EXTL2: variants seen among roughly 807,000 people sequenced by gnomAD.
EXTL2 encodes exostosin like glycosyltransferase 2, also known as exostosin-like 2.
In EXTL2, 23 loss-of-function variants were observed where a neutral mutation model predicts 30.7. The ratio of observed to expected loss-of-function variants is 0.75; its 90% CI spans 0.54 to 1.06. The LOEUF is 1.06. EXTL2 is among the 50% of genes least tolerant of loss of function. EXTL2 has a pLI of 0.00. For missense variants in EXTL2, 352 were observed against 396.3 expected (o/e 0.89, Z 0.95); for synonymous variants, 123 against 133.8 (o/e 0.92, Z 0.56).
intron 3 of EXTL2, 85 bp from the exon 4 acceptor site, chr1:100,876,949 AT>A: frequency 1.3e-6 from 1 of 789,826 alleles, no homozygotes; most frequent in Non-Finnish European, 2.1e-6. Flanking sequence ...TATATAGATC[AT>A]TCAAATGAAG....
chr1:100,876,662 C>CA, intron 4 of EXTL2, 132 bp downstream of exon 4: 3 of 577,092 alleles, frequency 5.2e-6, no homozygotes, highest in South Asian at 2.9e-5. Flanking sequence ...TAGCCTATAA[C>CA]AAATTCATCC....
chr1:100,888,710 T>C, intron 2 of EXTL2, 43 bp downstream of exon 2: 1 of 1,181,296 alleles, frequency 8.5e-7, no homozygotes. Context: ...GTTATACGTA[T>C]TTTACAACAG....
intron 2 of EXTL2, among the ~76,000 whole-genome samples, chr1:100,886,912 G>C (rs753178663): frequency 6.6e-6 from 1 of 152,130 alleles, no homozygotes; most frequent in Non-Finnish European, 1.5e-5. Context: ...CAATTCCATG[G>C]ACATATATTA....
rs887055162 is a variant in EXTL2 at position 100,873,536 on chromosome 1, G to C, written c.*406C>G. 6.3e-6 allele frequency: 1 copy of C among 159,144 alleles called. No individual in the cohort carries two copies. Among genetic ancestry groups the C allele is most frequent in the Non-Finnish European group, 1.4e-5 (1 of 72,152 alleles). The allele number at this position is 159,144 out of a possible 1,614,324, so 9.9% of individuals were successfully genotyped here. A position where few individuals can be genotyped will look rare whatever the true frequency, so the allele number is the denominator to read the frequency against. On this transcript the variant is annotated 3_prime_UTR_variant, in exon 5 of 5. Transcript: ENST00000370114. The stretch of plus-strand genomic sequence containing the variant: ...CCATACCACAGGCTTTTGCTAAAGA[G>C]GCATTTCAGGTTTCAAATTAAAACA...
rs139369296 is a variant in EXTL2 at position 100,886,317 on chromosome 1, A to G, written c.5+2436T>C. On this transcript the variant is annotated intron_variant, in intron 2 of 4. Transcript: ENST00000370114. ...CATTTAAATAGAATGATGTTGCTGC[A>G]ATAGGTCATTTAGCACTGCAAGCTG... 2.4e-4 allele frequency among the ~76,000 whole-genome samples: 37 copies of G among 152,374 alleles called. No homozygotes were observed. The East Asian group carries it at 7.1e-3, about 29-fold the overall frequency.
intron 2 of EXTL2, chr1:100,885,661 GA>G (rs1309951960): frequency 1.3e-5 from 2 of 152,204 alleles, no homozygotes; most frequent in African/African-American, 2.4e-5. Context: ...AATGGTACAT[GA>G]AAGGTCATTT....
chr1:100,883,656 C>T (rs369800233), intron 2 of EXTL2, among the ~76,000 whole-genome samples: 3 of 152,204 alleles, frequency 2.0e-5, no homozygotes, highest in South Asian at 2.1e-4. Flanking sequence ...AGTTAATGGA[C>T]GTTTGAATTG....
chr1:100,876,958 A>G, intron 3 of EXTL2, 94 bp from the exon 4 acceptor site: 1 of 765,070 alleles, frequency 1.3e-6, no homozygotes, highest in East Asian at 2.6e-5. Flanking sequence ...CATTCAAATG[A>G]AGTATTTTCT....
At chr1:100,893,175 T>A (rs915000133) in intron 1 of EXTL2, among the ~76,000 whole-genome samples, 1 of 152,216 alleles carries the variant, frequency 6.6e-6, no homozygotes, top group South Asian at 2.1e-4. Context: ...TTAAAAATGT[T>A]CAATAGTATA....
At chr1:100,881,740 T>C (rs1443602631) in intron 2 of EXTL2, among the ~76,000 whole-genome samples, 2 of 152,208 alleles carry the variant, frequency 1.3e-5, no homozygotes, top group Admixed American at 6.5e-5. Flanking sequence ...TTTCCCCCAA[T>C]GATATTTTCT....
rs774121325 is a variant in EXTL2 at position 100,875,881 on chromosome 1, T to TC, written c.504+912dup. On this transcript the variant is annotated intron_variant, in intron 4 of 4. Coordinates refer to ENST00000370114, the MANE Select transcript of EXTL2 (RefSeq NM_001033025.3). ...TGAATTATCACATTAGAACTTTTTGTCCAAGAAGCTTTCATGTATTTCATT... is the reference window on the plus strand; with the variant it reads ...TGAATTATCACATTAGAACTTTTTGTCCCAAGAAGCTTTCATGTATTTCATT... Among the ~76,000 whole-genome samples the TC allele has an allele frequency of 9.5e-4, 144 of 152,158 alleles. 4 individuals carry two copies. The highest frequency in any genetic ancestry group is 4.5e-3 in the Admixed American group (68 of 15,254).
In EXTL2 at chr1:100,876,859, A is replaced by C. The variant is rs1430273200; in HGVS notation, c.439T>G (p.Leu147Val). ...ATGAGTGTGTCATCATCTACCATCAACACTGCTAAAATGAAAGGACAAAAA... is the reference window on the plus strand; with the variant it reads ...ATGAGTGTGTCATCATCTACCATCACCACTGCTAAAATGAAAGGACAAAAA... ...VFPELETNAV[L>V]MVDDDTLIST... Residue 147 changes from leucine (L) to valine (V), a missense_variant, in exon 4 of 5, where the codon TTG (leucine) becomes GTG (valine). Physicochemically the swap from Leu to Val is conservative, Grantham distance 32. Coordinates refer to ENST00000370114, the MANE Select transcript of EXTL2 (RefSeq NM_001033025.3). The C allele has an allele frequency of 6.8e-6, 11 of 1,610,490 alleles. No homozygotes were observed. The highest frequency in any genetic ancestry group is 8.5e-6 in the Non-Finnish European group (10 of 1,177,222).
At chr1:100,875,567 G>A (rs556316919) in intron 4 of EXTL2, among the ~76,000 whole-genome samples, 148 of 152,094 alleles carry the variant, frequency 9.7e-4, no homozygotes, top group African/African-American at 3.5e-3. Context: ...AAAAGTGGAG[G>A]TAATGGGCAA....
intron 2 of EXTL2, among the ~76,000 whole-genome samples, chr1:100,879,633 TTGCTTAA>T (rs1320672654): frequency 2.0e-5 from 3 of 152,304 alleles, no homozygotes; most frequent in East Asian, 3.9e-4. Context: ...CTCTCATCTA[TTGCTTAA>T]TACTGACAGA....
At chr1:100,881,275 A>C (rs1397513467) in intron 2 of EXTL2, among the ~76,000 whole-genome samples, 1 of 152,216 alleles carries the variant, frequency 6.6e-6, no homozygotes, top group Non-Finnish European at 1.5e-5. Flanking sequence ...GGCCCATTAG[A>C]AACAGCTTCA....
intron 1 of EXTL2, among the ~76,000 whole-genome samples, chr1:100,892,561 ATTGT>A (rs1650515617): frequency 6.6e-6 from 1 of 152,036 alleles, no homozygotes; most frequent in African/African-American, 2.4e-5. Context: ...TCACATTGTG[ATTGT>A]TTGAGTCAGT....
At chr1:100,890,412 C>A (rs1184582846) in intron 1 of EXTL2, among the ~76,000 whole-genome samples, 2 of 152,170 alleles carry the variant, frequency 1.3e-5, no homozygotes, top group Non-Finnish European at 2.9e-5. Context: ...GAGATATTTT[C>A]CCCTTTGTCT....
rs10218688 is a variant in EXTL2, at chr1:100,886,151, T to C, written c.5+2602A>G. On this transcript the variant is annotated intron_variant, in intron 2 of 4. Coordinates refer to ENST00000370114, the MANE Select transcript of EXTL2 (RefSeq NM_001033025.3). ...AGTGATCCATCTTTTCTATTGACAATAGAATGGCTACGCATATATATGATC... is the reference window on the plus strand; with the variant it reads ...AGTGATCCATCTTTTCTATTGACAACAGAATGGCTACGCATATATATGATC... Among the ~76,000 whole-genome samples, 500 of 152,306 alleles carry C rather than the reference T, an allele frequency of 3.3e-3. 2 individuals carry two copies. Among genetic ancestry groups the C allele is most frequent in the African/African-American group, 0.012 (488 of 41,562 alleles).
At chr1:100,878,377 C>T (rs1278516373) in intron 2 of EXTL2, 2 of 470,630 alleles carry the variant, frequency 4.2e-6, no homozygotes, top group South Asian at 3.1e-5. Flanking sequence ...GCTTCATATA[C>T]CACAGTATGT....
Sources: gnomAD v4.1 joint callset for allele counts (sites outside exome capture counted in the v4.1 genomes callset) on GRCh38, gnomAD v4.1.1 for gene constraint, MANE v1.5 for transcripts, NCBI Gene and HGNC (gene_info 2026-07-23, HGNC 2026-07-21) for gene names.